LRTM3: variants seen among roughly 807,000 people sequenced by gnomAD.
The protein encoded by LRTM3 is leucine-rich repeat transmembrane protein 3.
chr13:102,741,897 T>G, the LRTM3 span: 5 of 1,550,442 alleles, frequency 3.2e-6, no homozygotes, highest in South Asian at 6.0e-5. Context: ...AACGGTCCAA[T>G]ATAGTATTGG....
the LRTM3 span, among the ~76,000 whole-genome samples, chr13:102,755,937 ATATACATATATATATATATATATATT>A: frequency 1.2e-3 from 106 of 91,170 alleles, no homozygotes; most frequent in Middle Eastern, 4.7e-3. Context: ...GTGTGTATAT[ATATACATATATATATATATATATATT>A]TTTTTTTTTT....
At chr13:102,730,884 G>A in the LRTM3 span, 24 of 1,551,240 alleles carry the variant, frequency 1.5e-5, no homozygotes, top group African/African-American at 3.1e-4. Context: ...TCCTCAGAAA[G>A]TAACAAAATT....
At chr13:102,741,109 G>A in the LRTM3 span, 1 of 1,549,874 alleles carries the variant, frequency 6.5e-7, no homozygotes, top group South Asian at 1.2e-5. Flanking sequence ...ATATGCAAGG[G>A]AGAACAGATT....
the LRTM3 span, chr13:102,742,659 C>T: frequency 6.4e-7 from 1 of 1,550,664 alleles, no homozygotes; most frequent in Non-Finnish European, 8.7e-7. Context: ...GCATAACCTG[C>T]AGTATCAGGT....
chr13:102,738,936 C>A, the LRTM3 span: 7 of 1,550,646 alleles, frequency 4.5e-6, no homozygotes, highest in Non-Finnish European at 6.1e-6. Flanking sequence ...TCCACTCTGT[C>A]TTTGTCTTTC....
At chr13:102,738,374 T>C in the LRTM3 span, 118 of 1,550,814 alleles carry the variant, frequency 7.6e-5, no homozygotes, top group Non-Finnish European at 9.6e-5. Flanking sequence ...TTCAGTGACA[T>C]ACTCTGCTTT....
At chr13:102,742,364 G>C in the LRTM3 span, 1 of 1,547,432 alleles carries the variant, frequency 6.5e-7, no homozygotes, top group Non-Finnish European at 8.7e-7. Flanking sequence ...AGGAGAAATA[G>C]ATGTGTAGGG....
the LRTM3 span, chr13:102,732,283 A>G: frequency 2.6e-6 from 4 of 1,551,394 alleles, no homozygotes; most frequent in African/African-American, 4.1e-5. Context: ...TTCCTGAGAC[A>G]TCTTTACTCC....
chr13:102,739,964 C>T, the LRTM3 span: 4 of 1,550,482 alleles, frequency 2.6e-6, no homozygotes, highest in Non-Finnish European at 3.5e-6. Flanking sequence ...TGATTTCTTC[C>T]ATTTCGAAGT....
the LRTM3 span, among the ~76,000 whole-genome samples, chr13:102,756,666 C>T: frequency 2.7e-4 from 12 of 44,820 alleles, no homozygotes; most frequent in Non-Finnish European, 4.6e-4. Context: ...AAGAGCAAAA[C>T]TCTGTCTAAA....
the LRTM3 span, chr13:102,740,149 T>G: frequency 6.5e-7 from 1 of 1,547,844 alleles, no homozygotes; most frequent in Non-Finnish European, 8.7e-7. Flanking sequence ...TCTTCCCAAG[T>G]CTTAACTTGG....
chr13:102,737,543 T>C, the LRTM3 span: 1 of 1,550,832 alleles, frequency 6.4e-7, no homozygotes, highest in African/African-American at 1.4e-5. Flanking sequence ...TTTCCCTTGC[T>C]CCTGGCCTTC....
chr13:102,735,277 T>C, the LRTM3 span: 1 of 1,551,372 alleles, frequency 6.4e-7, no homozygotes, highest in Non-Finnish European at 8.7e-7. Flanking sequence ...CCTTCTCTTC[T>C]TTCTGTAGCA....
chr13:102,744,659 T>G, the LRTM3 span: 662 of 1,550,870 alleles, frequency 4.3e-4, no homozygotes, highest in Admixed American at 1.1e-3. Flanking sequence ...GTCAGGATCT[T>G]TCATTTGATG....
chr13:102,745,737 C>T, the LRTM3 span: 11 of 1,551,120 alleles, frequency 7.1e-6, no homozygotes, highest in Non-Finnish European at 2.6e-6. Flanking sequence ...GATGAGATAC[C>T]ACCTTCTCTT....
chr13:102,745,673 G>T, the LRTM3 span: 1 of 1,550,946 alleles, frequency 6.4e-7, no homozygotes, highest in Non-Finnish European at 8.7e-7. Context: ...ACCAAAAATC[G>T]CTGTCTCTTT....
the LRTM3 span, chr13:102,740,551 T>C: frequency 6.5e-7 from 1 of 1,549,420 alleles, no homozygotes; most frequent in Non-Finnish European, 8.7e-7. Flanking sequence ...GTAAGTCTTG[T>C]CTTTTTTTAC....
At chr13:102,749,009 A>G in the LRTM3 span, 9 of 1,550,740 alleles carry the variant, frequency 5.8e-6, no homozygotes, top group Non-Finnish European at 7.8e-6. Context: ...CATGACTTTC[A>G]CTAGTTGTTT....
At chr13:102,745,479 T>C in the LRTM3 span, 10 of 1,551,040 alleles carry the variant, frequency 6.4e-6, no homozygotes, top group South Asian at 1.2e-4. Flanking sequence ...ATTTTGGTTG[T>C]CAAGTTACAG....
Sources: gnomAD v4.1 joint callset for allele counts (sites outside exome capture counted in the v4.1 genomes callset) on GRCh38, gnomAD v4.1.1 for gene constraint, MANE v1.5 for transcripts, NCBI Gene and HGNC (gene_info 2026-07-23, HGNC 2026-07-21) for gene names.